FOXP1: variants seen among roughly 807,000 people sequenced by gnomAD.
FOXP1 encodes the protein forkhead box protein P1.
In FOXP1, 15 loss-of-function variants were observed where a neutral mutation model predicts 98.2. The observed-to-expected ratio is 0.15, with a 90% CI of 0.10 to 0.24. The LOEUF is 0.24. Among genes scored for constraint, FOXP1 ranks in the 10% least tolerant of loss-of-function variants. FOXP1 has a pLI of 1.00. For synonymous variants in FOXP1, 371 were observed against 314.5 expected (o/e 1.18, Z -1.90); for missense variants, 633 against 848.5 (o/e 0.75, Z 3.15).
chr3:71,171,060 C>T (rs557989825), intron 6 of FOXP1, among the ~76,000 whole-genome samples: 5 of 151,846 alleles, frequency 3.3e-5, no homozygotes, highest in African/African-American at 9.7e-5. Flanking sequence ...GCCATCCATC[C>T]ATCCAGCCTT....
chr3:71,486,904 A>G (rs2090694706), intron 3 of FOXP1, among the ~76,000 whole-genome samples: 1 of 152,248 alleles, frequency 6.6e-6, no homozygotes, highest in Non-Finnish European at 1.5e-5. Context: ...CCTCCCTGGT[A>G]CAGCTTGCTT....
Position 71,503,394 on chromosome 3 carries a change from TAAAAAGC to T in FOXP1, c.-297-9846_-297-9840del, listed in dbSNP as rs554532697. Among the ~76,000 whole-genome samples, 641 of 152,064 alleles carry T rather than the reference TAAAAAGC, an allele frequency of 4.2e-3. 3 individuals carry two copies. The highest frequency in any genetic ancestry group is 0.014 in the African/African-American group (587 of 41,500). On this transcript the variant is annotated intron_variant, in intron 2 of 20. Coordinates refer to ENST00000649528, the MANE Select transcript of FOXP1 (RefSeq NM_001349338.3). ...TTCTAAGCTTATGCTCAAGTTAAGT[TAAAAAGC>T]AAACAGAATTTCAACATGATGAAAC... is the stretch of plus-strand genomic sequence containing the variant.
intron 4 of FOXP1, among the ~76,000 whole-genome samples, chr3:71,309,182 C>T (rs1170548508): frequency 6.6e-6 from 1 of 152,136 alleles, no homozygotes; most frequent in Non-Finnish European, 1.5e-5. Flanking sequence ...GTGTCTGTCT[C>T]CTCATCTATC....
At chr3:71,256,811 T>C (rs2068664795) in intron 5 of FOXP1, among the ~76,000 whole-genome samples, 1 of 152,224 alleles carries the variant, frequency 6.6e-6, no homozygotes, top group Non-Finnish European at 1.5e-5. Flanking sequence ...GCCTGTCTGA[T>C]TCATCTGAGT....
At chr3:71,000,750 C>A (rs2042013259) in intron 13 of FOXP1, among the ~76,000 whole-genome samples, 2 of 150,268 alleles carry the variant, frequency 1.3e-5, no homozygotes, top group Admixed American at 1.3e-4. Flanking sequence ...CTCTGAGCAG[C>A]AGTTCCAAAG....
chr3:71,509,832 G>A (rs1465620079), intron 2 of FOXP1, among the ~76,000 whole-genome samples: 1 of 152,202 alleles, frequency 6.6e-6, no homozygotes, highest in Non-Finnish European at 1.5e-5. Context: ...AATGAGCTAT[G>A]ATTAGGCCAC....
intron 20 of FOXP1, among the ~76,000 whole-genome samples, chr3:70,961,825 C>T (rs1157990223): frequency 6.6e-6 from 1 of 152,056 alleles, no homozygotes; most frequent in Admixed American, 6.6e-5. Context: ...ACTTGGGAGG[C>T]TAAGGTAGGA....
intron 7 of FOXP1, among the ~76,000 whole-genome samples, chr3:71,095,817 C>T (rs2056400556): frequency 6.6e-6 from 1 of 152,118 alleles, no homozygotes; most frequent in South Asian, 2.1e-4. Context: ...AAAATGGATG[C>T]ATATTACAAA....
chr3:71,201,298 C>A (rs1022102026), intron 5 of FOXP1, among the ~76,000 whole-genome samples: 10 of 152,208 alleles, frequency 6.6e-5, no homozygotes, highest in Admixed American at 1.3e-4. Context: ...AACCTAGGTA[C>A]TTTTCCCTGG....
At chr3:71,398,598 G>A (rs2081724973) in intron 3 of FOXP1, among the ~76,000 whole-genome samples, 1 of 152,038 alleles carries the variant, frequency 6.6e-6, no homozygotes, top group Non-Finnish European at 1.5e-5. Context: ...CAAGAACCAC[G>A]GGCTGGGGGT....
intron 2 of FOXP1, among the ~76,000 whole-genome samples, chr3:71,511,978 A>C (rs2042236143): frequency 6.6e-6 from 1 of 152,228 alleles, no homozygotes; most frequent in South Asian, 2.1e-4. Context: ...TGACGACAAC[A>C]ATAATAGCTG....
chr3:71,540,690 G>A (rs552078786), intron 2 of FOXP1, among the ~76,000 whole-genome samples: 6 of 152,264 alleles, frequency 3.9e-5, no homozygotes, highest in African/African-American at 7.2e-5. Flanking sequence ...ATTCACCTAA[G>A]GCCTCGCTTC....
At chr3:71,022,952 C>G (rs2045624270) in intron 11 of FOXP1, among the ~76,000 whole-genome samples, 1 of 152,176 alleles carries the variant, frequency 6.6e-6, no homozygotes, top group Admixed American at 6.5e-5. Context: ...TTCATCATGG[C>G]TGTGGAGCAG....
intron 7 of FOXP1, among the ~76,000 whole-genome samples, chr3:71,109,587 T>C (rs2057740967): frequency 6.6e-6 from 1 of 152,190 alleles, no homozygotes; most frequent in Non-Finnish European, 1.5e-5. Flanking sequence ...GCTGTAGGAT[T>C]TCCCTTTCAT....
chr3:71,244,481 A>G (rs1384749888), intron 5 of FOXP1, among the ~76,000 whole-genome samples: 1 of 147,358 alleles, frequency 6.8e-6, no homozygotes, highest in Non-Finnish European at 1.5e-5. Flanking sequence ...GATTTGGAAA[A>G]GATCAGGAGA....
intron 7 of FOXP1, among the ~76,000 whole-genome samples, chr3:71,071,312 C>T (rs944478556): frequency 2.0e-5 from 3 of 152,126 alleles, no homozygotes; most frequent in Admixed American, 1.3e-4. Context: ...CAGTCTTTGA[C>T]GGTTCATGTA....
intron 6 of FOXP1, among the ~76,000 whole-genome samples, chr3:71,192,778 T>G (rs917706178): frequency 6.6e-6 from 1 of 151,998 alleles, no homozygotes. Context: ...GCCTCATGAG[T>G]AGCTGGGACC....
intron 2 of FOXP1, among the ~76,000 whole-genome samples, chr3:71,533,251 G>A (rs1421600157): frequency 2.0e-5 from 3 of 152,264 alleles, no homozygotes; most frequent in Admixed American, 2.0e-4. Context: ...GCCCACTTAT[G>A]AGAGGATTTT....
At chr3:71,111,382 A>G (rs2057906629) in intron 7 of FOXP1, among the ~76,000 whole-genome samples, 1 of 152,148 alleles carries the variant, frequency 6.6e-6, no homozygotes, top group South Asian at 2.1e-4. Context: ...CTTTGAGTCA[A>G]AAACCCAAAT....
Sources: gnomAD v4.1 joint callset for allele counts (sites outside exome capture counted in the v4.1 genomes callset) on GRCh38, gnomAD v4.1.1 for gene constraint, MANE v1.5 for transcripts, NCBI Gene and HGNC (gene_info 2026-07-23, HGNC 2026-07-21) for gene names.